The following KCNQ1OT1 variants were observed in gnomAD, a reference collection of about 807,000 sequenced individuals.
The protein encoded by KCNQ1OT1 is KCNQ1 opposite strand/antisense transcript 1, also known as KCNQ1 antisense RNA 2 (non-protein coding).
At chr11:2,641,740 C>T in exon 1 of KCNQ1OT1, 1 of 398,340 alleles carries the variant, frequency 2.5e-6, no homozygotes, top group Non-Finnish European at 4.4e-6. Flanking sequence ...TCCCCAATGT[C>T]TCCTTCATTA....
chr11:2,646,101 A>G (rs1849661469), exon 1 of KCNQ1OT1: 1 of 398,432 alleles, frequency 2.5e-6, no homozygotes, highest in Admixed American at 4.4e-5. Context: ...CTCCCCTCTT[A>G]TCCCTTGCAT....
chr11:2,609,742 T>G, exon 1 of KCNQ1OT1: 1 of 398,348 alleles, frequency 2.5e-6, no homozygotes, highest in Non-Finnish European at 4.4e-6. Flanking sequence ...TTGTATCTTC[T>G]CATGAATTGA....
At chr11:2,644,876 G>A in exon 1 of KCNQ1OT1, 3 of 398,834 alleles carry the variant, frequency 7.5e-6, no homozygotes, top group Non-Finnish European at 8.8e-6. Flanking sequence ...GGTGGAGGCT[G>A]TGGTAAAGTC....
At chr11:2,650,909 G>A (rs2133842619) in exon 1 of KCNQ1OT1, 1 of 398,636 alleles carries the variant, frequency 2.5e-6, no homozygotes, top group South Asian at 1.3e-4. Context: ...TTTTCTCCAA[G>A]CCTGGCTGAA....
exon 1 of KCNQ1OT1, chr11:2,655,859 C>T: frequency 2.5e-6 from 1 of 398,700 alleles, no homozygotes; most frequent in Non-Finnish European, 4.4e-6. Context: ...ATTGGAAAAA[C>T]AAATCTGTGG....
exon 1 of KCNQ1OT1, chr11:2,656,075 G>A (rs977069016): frequency 5.0e-6 from 2 of 398,642 alleles, no homozygotes; most frequent in South Asian, 2.5e-4. Flanking sequence ...TTGGAGATGG[G>A]CACTTGTCAT....
chr11:2,679,349 C>A lies in KCNQ1OT1; in HGVS notation n.20646G>T, dbSNP rs1160014902. 2 of 398,506 alleles carry A rather than the reference C, an allele frequency of 5.0e-6. No homozygotes were observed. The highest frequency in any genetic ancestry group is 8.8e-6 in the Non-Finnish European group (2 of 226,070). The allele number at this position is 398,506 out of a possible 1,614,324, so 24.7% of individuals were successfully genotyped here. On this transcript the variant is annotated non_coding_transcript_exon_variant, in exon 1 of 1. Coordinates refer to ENST00000597346, the Ensembl canonical transcript of KCNQ1OT1. This position sits in a 1 kb window ranked among gnomAD's most constrained non-coding sequence, Gnocchi z 4.8. ...ATATCCTAATTCCACTACTTTCTAC[C>A]TGCTACACCTTGAGTGAGTCACTTA...
Position 2,673,491 on chromosome 11 carries a change from C to A in KCNQ1OT1, n.26504G>T. The A allele has an allele frequency of 2.5e-6, 1 of 398,652 alleles. No individual in the cohort carries two copies. Among genetic ancestry groups the A allele is most frequent in the South Asian group, 1.3e-4 (1 of 7,846 alleles). The allele number at this position is 398,652 out of a possible 1,614,324, so 24.7% of individuals were successfully genotyped here. On this transcript the variant is annotated non_coding_transcript_exon_variant, in exon 1 of 1. Coordinates refer to ENST00000597346, the Ensembl canonical transcript of KCNQ1OT1. This position sits in a 1 kb window ranked among gnomAD's most constrained non-coding sequence, Gnocchi z 4.5. ...CTGAAAAGCCATACAGACTCCTGCT[C>A]ATCACAACCACTTGTTGATGCTGAC...
chr11:2,674,273 C>T lies in KCNQ1OT1; in HGVS notation n.25722G>A. 2.5e-6 allele frequency: 1 copy of T among 398,644 alleles called. No individual in the cohort carries two copies. Among genetic ancestry groups the T allele is most frequent in the Non-Finnish European group, 4.4e-6 (1 of 226,108 alleles). 24.7% of individuals were successfully genotyped at this position (398,644 alleles called of 1,614,324 possible). On this transcript the variant is annotated non_coding_transcript_exon_variant, in exon 1 of 1. Transcript: ENST00000597346. The surrounding 1 kb of genome is among the most constrained non-coding windows in gnomAD (Gnocchi z 5.9). Reference sequence around the variant, plus strand: ...CCCCTCTCTCCCAGCCCCCGGCACACACACTAGGACCTTTCTTCATCATGC... The same window carrying T: ...CCCCTCTCTCCCAGCCCCCGGCACATACACTAGGACCTTTCTTCATCATGC...
exon 1 of KCNQ1OT1, chr11:2,633,913 A>C (rs1390779791): frequency 2.5e-6 from 1 of 398,616 alleles, no homozygotes; most frequent in Non-Finnish European, 4.4e-6. Flanking sequence ...TGAATATTGC[A>C]TTCTATCCTT....
In KCNQ1OT1 at chr11:2,654,631, A is replaced by G. The variant is rs1849810142; in HGVS notation, n.45364T>C. Reference sequence around the variant, plus strand: ...TGAAGTTACTAGGAAGGGCCCAGACACTGGCGAGAGTCTCTTGAGGGCAGA... The same window carrying G: ...TGAAGTTACTAGGAAGGGCCCAGACGCTGGCGAGAGTCTCTTGAGGGCAGA... On this transcript the variant is annotated non_coding_transcript_exon_variant, in exon 1 of 1. Transcript: ENST00000597346. This position sits in a 1 kb window ranked among gnomAD's most constrained non-coding sequence, Gnocchi z 6.4. The G allele has an allele frequency of 5.0e-6, 2 of 398,674 alleles. No individual in the cohort carries two copies. Among genetic ancestry groups the G allele is most frequent in the South Asian group, 1.3e-4 (1 of 7,874 alleles). The allele number at this position is 398,674 out of a possible 1,614,324, so 24.7% of individuals were successfully genotyped here.
chr11:2,611,207 G>A lies in KCNQ1OT1; in HGVS notation n.88788C>T. ...ATGGTTTGTTTTTAAAGTCTATTTT[G>A]TCTGATTTTATTTATTTTTATTTTA... On this transcript the variant is annotated non_coding_transcript_exon_variant, in exon 1 of 1. Transcript: ENST00000597346. The surrounding 1 kb of genome is among the most constrained non-coding windows in gnomAD (Gnocchi z 5.3). 1 of 398,184 alleles carries A rather than the reference G, an allele frequency of 2.5e-6. No individual in the cohort carries two copies. The highest frequency in any genetic ancestry group is 4.4e-6 in the Non-Finnish European group (1 of 225,942). The allele number at this position is 398,184 out of a possible 1,614,324, so 24.7% of individuals were successfully genotyped here. A position where few individuals can be genotyped will look rare whatever the true frequency, so the allele number is the denominator to read the frequency against.
rs1173880772 is a variant in KCNQ1OT1, at chr11:2,617,162, A to C, written n.82833T>G. 1 of 398,074 alleles carries C rather than the reference A, an allele frequency of 2.5e-6. No homozygotes were observed. Among genetic ancestry groups the C allele is most frequent in the Admixed American group, 4.4e-5 (1 of 22,686 alleles). The allele number at this position is 398,074 out of a possible 1,614,324, so 24.7% of individuals were successfully genotyped here. ...TAACTATTCTCATGTTCTACATGAG[A>C]TCTCTAGACTTGTTCATCCTATATA... On this transcript the variant is annotated non_coding_transcript_exon_variant, in exon 1 of 1. Transcript: ENST00000597346. The surrounding 1 kb of genome is among the most constrained non-coding windows in gnomAD (Gnocchi z 4.6).
chr11:2,692,392 C>T, exon 1 of KCNQ1OT1: 2 of 398,804 alleles, frequency 5.0e-6, no homozygotes, highest in Non-Finnish European at 8.8e-6. Flanking sequence ...TGCCCCATTC[C>T]AATCAATTAT....
chr11:2,633,288 T>A (rs7951664), exon 1 of KCNQ1OT1: 356,523 of 398,422 alleles, frequency 0.89, 159,769 homozygotes, highest in East Asian at 0.99. Context: ...CGGATATTAA[T>A]CCCTTGTCAG....
Position 2,663,193 on chromosome 11 carries a change from A to G in KCNQ1OT1, n.36802T>C, listed in dbSNP as rs1850001539. ...TTCACAGAGAGGTTGGCAGTACCTC[A>G]TGGTGGGTAGGGTGTGAAGAGGCTC... is the stretch of plus-strand genomic sequence containing the variant. On this transcript the variant is annotated non_coding_transcript_exon_variant, in exon 1 of 1. Transcript: ENST00000597346. This position sits in a 1 kb window ranked among gnomAD's most constrained non-coding sequence, Gnocchi z 5.2. 2 of 398,664 alleles carry G rather than the reference A, an allele frequency of 5.0e-6. No individual in the cohort carries two copies. Among genetic ancestry groups the G allele is most frequent in the Non-Finnish European group, 8.8e-6 (2 of 226,200 alleles). The allele number at this position is 398,664 out of a possible 1,614,324, so 24.7% of individuals were successfully genotyped here. A position where few individuals can be genotyped will look rare whatever the true frequency, so the allele number is the denominator to read the frequency against.
chr11:2,626,193 G>A lies in KCNQ1OT1; in HGVS notation n.73802C>T, dbSNP rs1223277416. 5 of 398,390 alleles carry A rather than the reference G, an allele frequency of 1.3e-5. No homozygotes were observed. Among genetic ancestry groups the A allele is most frequent in the Non-Finnish European group, 2.2e-5 (5 of 226,062 alleles). 24.7% of individuals were successfully genotyped at this position (398,390 alleles called of 1,614,324 possible). On this transcript the variant is annotated non_coding_transcript_exon_variant, in exon 1 of 1. Coordinates refer to ENST00000597346, the Ensembl canonical transcript of KCNQ1OT1. The surrounding 1 kb of genome is among the most constrained non-coding windows in gnomAD (Gnocchi z 4.0). ...TTCCTTATAAGACTTCATAGTTTTA[G>A]GACTTTGACCCATTTTGAGTAAGTT...
At position 2,623,785 on chromosome 11, in the gene KCNQ1OT1, C is replaced by A. The variant is rs552643134; in HGVS notation, n.76210G>T. 155 of 398,422 alleles carry A rather than the reference C, an allele frequency of 3.9e-4. No homozygotes were observed. Among genetic ancestry groups the A allele is most frequent in the Non-Finnish European group, 5.8e-4 (132 of 226,006 alleles). The allele number at this position is 398,422 out of a possible 1,614,324, so 24.7% of individuals were successfully genotyped here. On this transcript the variant is annotated non_coding_transcript_exon_variant, in exon 1 of 1. Coordinates refer to ENST00000597346, the Ensembl canonical transcript of KCNQ1OT1. This position sits in a 1 kb window ranked among gnomAD's most constrained non-coding sequence, Gnocchi z 5.2. ...GTCTTCACCTCCTTTGAGTAAATAC[C>A]AAGGATGTGATTGCTGAACTGCATG... is the stretch of plus-strand genomic sequence containing the variant.
At chr11:2,680,258 A>G (rs1850371513) in exon 1 of KCNQ1OT1, 2 of 397,226 alleles carry the variant, frequency 5.0e-6, no homozygotes, top group Non-Finnish European at 8.9e-6. Flanking sequence ...TTCATATCCC[A>G]TTGGCATTTG....
Sources: gnomAD v4.1 joint callset for allele counts on GRCh38, gnomAD v4.1.1 for gene constraint, Gnocchi (gnomAD v3.1) non-coding constraint, MANE v1.5 for transcripts, NCBI Gene and HGNC (gene_info 2026-07-23, HGNC 2026-07-21) for gene names.